MACROD2: variants seen among roughly 807,000 people sequenced by gnomAD.
The protein encoded by MACROD2 is ADP-ribose glycohydrolase MACROD2.
In MACROD2, 36 loss-of-function variants were observed where a neutral mutation model predicts 70.4. The ratio of observed to expected loss-of-function variants is 0.51; its 90% CI spans 0.39 to 0.68. The LOEUF (loss-of-function observed/expected upper bound fraction) is 0.68, where lower values mean the gene tolerates loss of function less well. Among genes scored for constraint, MACROD2 ranks in the 30% least tolerant of loss-of-function variants. MACROD2 has a pLI of 0.00. For synonymous variants in MACROD2, 172 were observed against 178.8 expected (o/e 0.96, Z 0.30); for missense variants, 496 against 538.4 (o/e 0.92, Z 0.78).
rs969634594 is a variant in MACROD2, at chr20:14,338,240, G to A, written c.272-155239G>A. 5.3e-5 allele frequency among the ~76,000 whole-genome samples: 8 copies of A among 152,188 alleles called. No homozygotes were observed. The East Asian group carries it at 1.2e-3, about 22-fold the overall frequency. ...AACATGTAGAAAAAATTAGCTGGGC[G>A]CCCGTAATCCCAGCTGTTTGGGAGG... On this transcript the variant is annotated intron_variant, in intron 3 of 17. Coordinates refer to ENST00000684519, the MANE Select transcript of MACROD2 (RefSeq NM_001351661.2).
intron 6 of MACROD2, among the ~76,000 whole-genome samples, chr20:15,299,583 C>A (rs775102914): frequency 2.9e-4 from 44 of 152,164 alleles, no homozygotes; most frequent in Non-Finnish European, 5.0e-4. Flanking sequence ...AAAAAATATG[C>A]ATTTTGTTTA....
At chr20:15,586,884 T>G (rs2048610145) in intron 8 of MACROD2, among the ~76,000 whole-genome samples, 2 of 151,020 alleles carry the variant, frequency 1.3e-5, no homozygotes, top group African/African-American at 2.4e-5. Context: ...TTTTAAAAAT[T>G]TGTGAGATCT....
intron 4 of MACROD2, among the ~76,000 whole-genome samples, chr20:14,624,720 A>C (rs1333037664): frequency 6.6e-6 from 1 of 152,180 alleles, no homozygotes; most frequent in African/African-American, 2.4e-5. Context: ...ACCACAGTGG[A>C]AACTGCACTT....
At chr20:14,128,150 C>A in intron 3 of MACROD2, 1 of 467,008 alleles carries the variant, frequency 2.1e-6, no homozygotes, top group Non-Finnish European at 4.2e-6. Flanking sequence ...CTAATGGAGA[C>A]AATTACTTTT....
intron 5 of MACROD2, among the ~76,000 whole-genome samples, chr20:14,968,541 T>C (rs1202020701): frequency 6.6e-6 from 1 of 152,194 alleles, no homozygotes; most frequent in East Asian, 1.9e-4. Context: ...AAATATTTTA[T>C]TGTGCAACCT....
chr20:15,710,194 C>CAAAAAAAAAAA (rs67656339), intron 8 of MACROD2, among the ~76,000 whole-genome samples: 13 of 102,674 alleles, frequency 1.3e-4, no homozygotes, highest in Non-Finnish European at 1.9e-4. Context: ...ATCAAAAAGA[C>CAAAAAAAAAAA]AAAAAAAAAA....
At chr20:15,385,814 T>G (rs1468874846) in intron 6 of MACROD2, among the ~76,000 whole-genome samples, 1 of 152,212 alleles carries the variant, frequency 6.6e-6, no homozygotes, top group Non-Finnish European at 1.5e-5. Flanking sequence ...CTAAAATTAT[T>G]TATTTAAGTA....
At chr20:15,257,404 A>G (rs956333922) in intron 6 of MACROD2, among the ~76,000 whole-genome samples, 13 of 152,182 alleles carry the variant, frequency 8.5e-5, no homozygotes, top group African/African-American at 2.9e-4. Flanking sequence ...TTGAGAACCT[A>G]TCAAGTGCTA....
At chr20:15,940,563 G>GGTGGCCGTCAACATTGAATGGCCAGTA in intron 12 of MACROD2, among the ~76,000 whole-genome samples, 1 of 152,170 alleles carries the variant, frequency 6.6e-6, no homozygotes, top group African/African-American at 2.4e-5. Flanking sequence ...GCAACCAAGT[G>GGTGGCCGTCAACATTGAATGGCCAGTA]GTGGCCGTCA....
At chr20:14,288,842 A>G (rs1040249327) in intron 3 of MACROD2, among the ~76,000 whole-genome samples, 12 of 152,150 alleles carry the variant, frequency 7.9e-5, no homozygotes, top group Non-Finnish European at 1.0e-4. Flanking sequence ...TTACTGAGAA[A>G]TCGTGGCAAT....
chr20:15,870,941 T>C (rs1460337865), intron 9 of MACROD2, among the ~76,000 whole-genome samples: 1 of 152,026 alleles, frequency 6.6e-6, no homozygotes, highest in Non-Finnish European at 1.5e-5. Context: ...CACTTTGGGA[T>C]GCTGAGGTGG....
chr20:14,449,451 TGCTAG>T (rs939139548), intron 3 of MACROD2, among the ~76,000 whole-genome samples: 3 of 152,146 alleles, frequency 2.0e-5, no homozygotes, highest in African/African-American at 7.2e-5. Context: ...TTAGACACTG[TGCTAG>T]GCTCTGAGAA....
chr20:15,774,160 T>G (rs1337636399), intron 8 of MACROD2, among the ~76,000 whole-genome samples: 1 of 152,192 alleles, frequency 6.6e-6, no homozygotes, highest in Non-Finnish European at 1.5e-5. Flanking sequence ...ACCACTTGTT[T>G]TGAAACTTGC....
chr20:15,881,299 T>C (rs1421583571), intron 9 of MACROD2, among the ~76,000 whole-genome samples: 1 of 152,060 alleles, frequency 6.6e-6, no homozygotes, highest in African/African-American at 2.4e-5. Context: ...CAGAAGTTTA[T>C]TACTCAAATC....
intron 5 of MACROD2, among the ~76,000 whole-genome samples, chr20:14,975,859 A>G (rs2074734797): frequency 6.6e-6 from 1 of 152,134 alleles, no homozygotes; most frequent in African/African-American, 2.4e-5. Flanking sequence ...ATGCGTGCAA[A>G]CCCTTAGAAA....
intron 5 of MACROD2, among the ~76,000 whole-genome samples, chr20:15,201,421 T>C (rs1021944149): frequency 6.6e-6 from 1 of 152,228 alleles, no homozygotes; most frequent in African/African-American, 2.4e-5. Context: ...TAATGCCATA[T>C]GGATAAACAT....
intron 5 of MACROD2, among the ~76,000 whole-genome samples, chr20:14,983,002 C>A (rs1441947279): frequency 6.6e-6 from 1 of 152,204 alleles, no homozygotes. Context: ...CCCTGCAAAG[C>A]CACAGGGGTG....
chr20:15,684,305 A>AC (rs1295455960), intron 8 of MACROD2, among the ~76,000 whole-genome samples: 2 of 152,152 alleles, frequency 1.3e-5, no homozygotes, highest in African/African-American at 2.4e-5. Context: ...AAAATCTCAG[A>AC]CCCCATGACA....
chr20:15,772,952 C>T (rs1311120040), intron 8 of MACROD2, among the ~76,000 whole-genome samples: 1 of 152,100 alleles, frequency 6.6e-6, no homozygotes, highest in Non-Finnish European at 1.5e-5. Flanking sequence ...CACATCACCT[C>T]CCTCTTAACA....
Sources: allele counts gnomAD v4.1 joint callset (sites outside exome capture counted in the v4.1 genomes callset), GRCh38; gene constraint gnomAD v4.1.1; transcripts MANE v1.5; gene names NCBI Gene and HGNC (gene_info 2026-07-23, HGNC 2026-07-21).